Variants in ITPR2 observed in about 807,000 individuals in gnomAD.
The protein encoded by ITPR2 is inositol 1,4,5-trisphosphate receptor type 2, also known as inositol 1,4,5-trisphosphate-gated calcium channel ITPR2.
In ITPR2, 207 loss-of-function variants were observed where a neutral mutation model predicts 317.1. The ratio of observed to expected loss-of-function variants is 0.65; its 90% CI spans 0.58 to 0.73. The LOEUF is 0.73. Ranked by LOEUF, ITPR2 falls within the 30% of genes least tolerant of loss-of-function variation. ITPR2 has a pLI of 0.00. For missense variants in ITPR2, 2,613 were observed against 3,284.0 expected, an observed-to-expected ratio of 0.80 and a Z score of 4.99; for synonymous variants, 1,156 against 1,149.1, an observed-to-expected ratio of 1.01 and a Z score of -0.12.
intron 23 of ITPR2, chr12:26,627,250 A>T (rs1946642022): frequency 6.6e-6 from 1 of 152,194 alleles, no homozygotes; most frequent in Non-Finnish European, 1.5e-5. Context: ...TCTTCAAAAC[A>T]CCTATCCTTC....
chr12:26,665,832 G>T, intron 14 of ITPR2, 78 bp downstream of exon 14: 1 of 1,257,198 alleles, frequency 8.0e-7, no homozygotes, highest in Non-Finnish European at 1.1e-6. Context: ...CATAGTAATA[G>T]ATAACTAATA....
At chr12:26,362,640 C>T (rs1938871830) in intron 55 of ITPR2, among the ~76,000 whole-genome samples, 2 of 152,176 alleles carry the variant, frequency 1.3e-5, no homozygotes, top group South Asian at 2.1e-4. Flanking sequence ...ACTCCTTTAA[C>T]ACCGTCCTCA....
At chr12:26,554,179 T>C (rs1447710973) in intron 36 of ITPR2, among the ~76,000 whole-genome samples, 1 of 152,226 alleles carries the variant, frequency 6.6e-6, no homozygotes, top group Non-Finnish European at 1.5e-5. Context: ...CTCCAAGTTC[T>C]AGACCAGTGC....
chr12:26,573,319 T>G (rs1157259707), intron 34 of ITPR2, among the ~76,000 whole-genome samples: 1 of 152,198 alleles, frequency 6.6e-6, no homozygotes, highest in Non-Finnish European at 1.5e-5. Context: ...TAAGCCTAAC[T>G]TTCACTCTGT....
chr12:26,670,886 G>A (rs555881481), intron 13 of ITPR2, among the ~76,000 whole-genome samples: 8 of 152,266 alleles, frequency 5.3e-5, no homozygotes, highest in African/African-American at 1.7e-4. Context: ...CAAGGCTCGA[G>A]AACTACCTGA....
intron 45 of ITPR2, among the ~76,000 whole-genome samples, chr12:26,472,720 C>T (rs1942323388): frequency 6.6e-6 from 1 of 152,132 alleles, no homozygotes; most frequent in Admixed American, 6.5e-5. Context: ...TTTATGCCAT[C>T]TTCATTTTGA....
intron 55 of ITPR2, among the ~76,000 whole-genome samples, chr12:26,360,487 G>A (rs904238706): frequency 6.6e-6 from 1 of 152,084 alleles, no homozygotes; most frequent in African/African-American, 2.4e-5. Flanking sequence ...GCCATACTTT[G>A]TGCTTGAAAA....
chr12:26,573,751 G>A (rs752478034), intron 34 of ITPR2, among the ~76,000 whole-genome samples: 8 of 152,156 alleles, frequency 5.3e-5, no homozygotes, highest in East Asian at 3.9e-4. Flanking sequence ...ATGAGACTCC[G>A]AAAGAAGGTC....
At chr12:26,529,743 T>C (rs1466859423) in intron 37 of ITPR2, among the ~76,000 whole-genome samples, 1 of 152,186 alleles carries the variant, frequency 6.6e-6, no homozygotes, top group Admixed American at 6.5e-5. Context: ...AATCTCCATA[T>C]AAAGCACCTC....
intron 45 of ITPR2, among the ~76,000 whole-genome samples, chr12:26,463,863 G>A (rs10842735): frequency 0.086 from 13,013 of 152,062 alleles, 1,122 homozygotes; most frequent in African/African-American, 0.21. Context: ...GCAACACAGG[G>A]CTTTCTCTCT....
chr12:26,630,382 A>C (rs1302433812), intron 22 of ITPR2, among the ~76,000 whole-genome samples: 1 of 151,430 alleles, frequency 6.6e-6, no homozygotes, highest in African/African-American at 2.4e-5. Context: ...CCAGGAAGAG[A>C]GAGAGAGAAT....
chr12:26,352,100 G>C (rs768963956), intron 55 of ITPR2, among the ~76,000 whole-genome samples: 1 of 152,206 alleles, frequency 6.6e-6, no homozygotes, highest in Non-Finnish European at 1.5e-5. Flanking sequence ...CCTGATGGAA[G>C]GTTGGGTCCA....
chr12:26,340,047 T>C, intron 56 of ITPR2, 120 bp downstream of exon 56: 1 of 953,338 alleles, frequency 1.0e-6, no homozygotes, highest in African/African-American at 1.7e-5. Context: ...TGAGGTTTCT[T>C]TCTCGGAGTT....
At chr12:26,649,818 TAGATAGAC>T (rs60046625) in intron 21 of ITPR2, among the ~76,000 whole-genome samples, 3,669 of 132,676 alleles carry the variant, frequency 0.028, 60 homozygotes, top group South Asian at 0.058. Context: ...GATAGATAGA[TAGATAGAC>T]AGACAGACAG....
rs1943506957 is a variant in ITPR2, at chr12:26,516,295, A to AGGAAGGGAAG, written c.5074-21036_5074-21035insCTTCCCTTCC. Among the ~76,000 whole-genome samples the AGGAAGGGAAG allele has an allele frequency of 1.5e-3, 81 of 52,546 alleles. 6 individuals are homozygous for AGGAAGGGAAG. Among genetic ancestry groups the AGGAAGGGAAG allele is most frequent in the African/African-American group, 4.1e-3 (64 of 15,532 alleles). 34.5% of individuals were successfully genotyped at this position (52,546 alleles called of 152,430 possible). On this transcript the variant is annotated intron_variant, in intron 37 of 56. Transcript: ENST00000381340. ...AGGAAGGGAAGGGAAGGGAAAGGAA[A>AGGAAGGGAAG]GGAAAGGAAAGGAAAGGAAAGGAAA...
chr12:26,383,562 C>G (rs371574347), intron 55 of ITPR2, among the ~76,000 whole-genome samples: 1 of 151,898 alleles, frequency 6.6e-6, no homozygotes, highest in African/African-American at 2.4e-5. Flanking sequence ...CGGCTTACTA[C>G]AAGCTCCACC....
At chr12:26,504,218 T>G (rs1266378918) in intron 37 of ITPR2, among the ~76,000 whole-genome samples, 1 of 152,150 alleles carries the variant, frequency 6.6e-6, no homozygotes, top group Non-Finnish European at 1.5e-5. Flanking sequence ...AGAAATGTAT[T>G]AAGTATATTT....
At chr12:26,542,302 T>C (rs906627162) in intron 37 of ITPR2, among the ~76,000 whole-genome samples, 2 of 152,234 alleles carry the variant, frequency 1.3e-5, no homozygotes, top group South Asian at 2.1e-4. Context: ...TTTCATGTTA[T>C]TTAGTTTTGT....
chr12:26,641,661 T>C lies in ITPR2; in HGVS notation c.2741-9602A>G, dbSNP rs115395175. Among the ~76,000 whole-genome samples the C allele has an allele frequency of 8.9e-3, 1,360 of 152,300 alleles. 25 individuals carry two copies. Among genetic ancestry groups the C allele is most frequent in the African/African-American group, 0.031 (1,302 of 41,562 alleles). ...GCAAAAGACCTAGAGGTGTGCTAGG[T>C]ATTCTATATAAGTAATAGATACCTT... On this transcript the variant is annotated intron_variant, in intron 21 of 56. Transcript: ENST00000381340.
Sources: allele counts gnomAD v4.1 joint callset (sites outside exome capture counted in the v4.1 genomes callset), GRCh38; gene constraint gnomAD v4.1.1; transcripts MANE v1.5; gene names NCBI Gene and HGNC (gene_info 2026-07-23, HGNC 2026-07-21).